The following RALGPS1 variants were observed in gnomAD, a reference collection of about 807,000 sequenced individuals.
RALGPS1 encodes the protein ras-specific guanine nucleotide-releasing factor RalGPS1.
RALGPS1 carries 19 observed loss-of-function variants against 78.8 expected under a neutral mutation model. The observed-to-expected ratio is 0.24, with a 90% CI of 0.17 to 0.35. RALGPS1 has a LOEUF of 0.35. Ranked by LOEUF, RALGPS1 falls within the 10% of genes least tolerant of loss-of-function variation. The pLI is 1.00. For synonymous variants in RALGPS1, 228 were observed against 256.3 expected (o/e 0.89, Z 1.06); for missense variants, 454 against 688.3 (o/e 0.66, Z 3.81).
intron 5 of RALGPS1, among the ~76,000 whole-genome samples, chr9:127,035,393 T>C (rs2046779654): frequency 1.3e-5 from 2 of 152,322 alleles, no homozygotes; most frequent in South Asian, 4.2e-4. Context: ...TAGGGTGTCT[T>C]ATTTCTCAGC....
intron 11 of RALGPS1, among the ~76,000 whole-genome samples, chr9:127,189,334 C>T (rs2060890650): frequency 6.6e-6 from 1 of 152,100 alleles, no homozygotes; most frequent in African/African-American, 2.4e-5. Flanking sequence ...GGGCCAGAGG[C>T]GAGGCCGCTT....
intron 8 of RALGPS1, among the ~76,000 whole-genome samples, chr9:127,116,457 G>A (rs2055430541): frequency 6.6e-6 from 1 of 152,246 alleles, no homozygotes; most frequent in African/African-American, 2.4e-5. Context: ...AGGCCTCTGT[G>A]CCAGGAGCCT....
intron 8 of RALGPS1, among the ~76,000 whole-genome samples, chr9:127,153,548 G>A (rs2058547535): frequency 6.6e-6 from 1 of 152,062 alleles, no homozygotes; most frequent in African/African-American, 2.4e-5. Flanking sequence ...GGTCCTCAGT[G>A]AGTATTTGTG....
chr9:127,027,783 C>T (rs918533459), intron 4 of RALGPS1, among the ~76,000 whole-genome samples: 2 of 152,198 alleles, frequency 1.3e-5, no homozygotes, highest in African/African-American at 2.4e-5. Flanking sequence ...TTTCTGACAC[C>T]ATGTAGAGCG....
At chr9:127,010,944 T>C (rs1475120592) in intron 4 of RALGPS1, among the ~76,000 whole-genome samples, 1 of 152,228 alleles carries the variant, frequency 6.6e-6, no homozygotes, top group East Asian at 1.9e-4. Context: ...AAAGTCTGCC[T>C]CTGGAGAGTC....
chr9:126,987,979 C>T (rs866761905), intron 4 of RALGPS1, among the ~76,000 whole-genome samples: 25 of 152,224 alleles, frequency 1.6e-4, no homozygotes, highest in African/African-American at 5.8e-4. Flanking sequence ...GCCAGGAGAA[C>T]GGGGTGGCCA....
chr9:127,004,090 G>C (rs117797149), intron 4 of RALGPS1, among the ~76,000 whole-genome samples: 1 of 152,290 alleles, frequency 6.6e-6, no homozygotes, highest in African/African-American at 2.4e-5. Flanking sequence ...GCCGTAGACA[G>C]AGTCAAAGTC....
Position 127,211,491 on chromosome 9 carries a change from T to G in RALGPS1, c.1248-640T>G, listed in dbSNP as rs1366842537. Among the ~76,000 whole-genome samples, 1 of 152,176 alleles carries G rather than the reference T, an allele frequency of 6.6e-6. No individual in the cohort carries two copies. Among genetic ancestry groups the G allele is most frequent in the African/African-American group, 2.4e-5 (1 of 41,428 alleles). Reference sequence around the variant, plus strand: ...CGAGAGGAAGAAAATCCCCGCTTTCTGGCTGAAGCAGCCAGTAGGGGGTGG... The same window carrying G: ...CGAGAGGAAGAAAATCCCCGCTTTCGGGCTGAAGCAGCCAGTAGGGGGTGG... On this transcript the variant is annotated intron_variant, in intron 14 of 18. Transcript: ENST00000259351. The surrounding 1 kb of genome is among the most constrained non-coding windows in gnomAD (Gnocchi z 5.0).
intron 4 of RALGPS1, among the ~76,000 whole-genome samples, chr9:126,985,083 T>C (rs1478332968): frequency 2.0e-5 from 3 of 152,268 alleles, no homozygotes; most frequent in African/African-American, 7.2e-5. Context: ...CTATTGACTT[T>C]GGGCTTGGCC....
intron 8 of RALGPS1, among the ~76,000 whole-genome samples, chr9:127,104,829 T>C (rs1277633540): frequency 6.6e-6 from 1 of 152,222 alleles, no homozygotes; most frequent in Non-Finnish European, 1.5e-5. Context: ...AGGTGTTTAA[T>C]TGCAAAGGTA....
In RALGPS1 at chr9:126,924,157, A is replaced by G. The variant is rs138206587; in HGVS notation, c.-66+9182A>G. ...TGGAACATGTCCATATGCATGTAAC[A>G]GTTTCTCAACAGCTGCCTGCAGTTC... On this transcript the variant is annotated intron_variant, in intron 1 of 18. Transcript: ENST00000259351. Among the ~76,000 whole-genome samples the G allele has an allele frequency of 2.6e-5, 4 of 152,362 alleles. No homozygotes were observed. The East Asian group carries it at 7.7e-4, about 29-fold the overall frequency.
At chr9:127,175,239 T>TCC in intron 11 of RALGPS1, among the ~76,000 whole-genome samples, 1 of 152,282 alleles carries the variant, frequency 6.6e-6, no homozygotes, top group South Asian at 2.1e-4. Flanking sequence ...ACATACACTG[T>TCC]CCCCTAGTGA....
At chr9:126,980,652 T>C (rs1564355881) in intron 4 of RALGPS1, among the ~76,000 whole-genome samples, 2 of 152,228 alleles carry the variant, frequency 1.3e-5, no homozygotes, top group Non-Finnish European at 2.9e-5. Flanking sequence ...AATCCTAATT[T>C]TCTAAAGATT....
At chr9:127,190,492 T>A (rs2060966173) in intron 11 of RALGPS1, among the ~76,000 whole-genome samples, 1 of 152,120 alleles carries the variant, frequency 6.6e-6, no homozygotes, top group Non-Finnish European at 1.5e-5. Context: ...CTGGACTAGG[T>A]TTTGTATTTT....
chr9:126,932,725 AAC>A (rs1331013989), intron 1 of RALGPS1, among the ~76,000 whole-genome samples: 1 of 152,162 alleles, frequency 6.6e-6, no homozygotes, highest in Admixed American at 6.5e-5. Flanking sequence ...ATTTTTATAA[AAC>A]AAAAATGTTA....
chr9:126,918,884 G>T (rs759533370), intron 1 of RALGPS1, among the ~76,000 whole-genome samples: 20 of 151,820 alleles, frequency 1.3e-4, no homozygotes, highest in Non-Finnish European at 2.5e-4. Flanking sequence ...TGGTCAGGCT[G>T]GTCTTGAACT....
At chr9:127,210,098 G>A (rs1416091079) in intron 14 of RALGPS1, among the ~76,000 whole-genome samples, 1 of 152,250 alleles carries the variant, frequency 6.6e-6, no homozygotes, top group South Asian at 2.1e-4. Context: ...CTCACTGCTG[G>A]GGAGTGCATG....
chr9:127,112,268 C>A (rs574161464), intron 8 of RALGPS1, among the ~76,000 whole-genome samples: 4 of 152,186 alleles, frequency 2.6e-5, no homozygotes, highest in Non-Finnish European at 5.9e-5. Flanking sequence ...GTGTTTGCCT[C>A]GTTTCCAACG....
intron 4 of RALGPS1, among the ~76,000 whole-genome samples, chr9:127,010,762 C>T (rs898050806): frequency 4.6e-5 from 7 of 152,240 alleles, no homozygotes; most frequent in South Asian, 2.1e-4. Context: ...AAATCATCCA[C>T]GTTAGTGCAG....
Sources: gnomAD v4.1 joint callset for allele counts (sites outside exome capture counted in the v4.1 genomes callset) on GRCh38, gnomAD v4.1.1 for gene constraint, Gnocchi (gnomAD v3.1) non-coding constraint, MANE v1.5 for transcripts, NCBI Gene and HGNC (gene_info 2026-07-23, HGNC 2026-07-21) for gene names.